Variants in PARD3B observed in about 807,000 individuals in gnomAD.
PARD3B encodes par-3 family cell polarity regulator beta.
Under a neutral mutation model 130.2 loss-of-function variants are expected in PARD3B, and 103 were observed. That is an observed-to-expected ratio of 0.79 (90% confidence interval 0.67 to 0.93). The LOEUF is 0.93. Ranked by LOEUF, PARD3B falls within the 40% of genes least tolerant of loss-of-function variation. The probability of loss-of-function intolerance (pLI) is 0.00; values close to 1 mark genes in which losing one functional copy is unlikely to be tolerated. For missense variants in PARD3B, 1,609 were observed against 1,499.2 expected (o/e 1.07, Z -1.21); for synonymous variants, 583 against 553.2 (o/e 1.05, Z -0.76).
intron 15 of PARD3B, among the ~76,000 whole-genome samples, chr2:205,215,273 T>C (rs2037847733): frequency 6.6e-6 from 1 of 151,880 alleles, no homozygotes; most frequent in African/African-American, 2.4e-5. Context: ...TTGGATTACA[T>C]TGTTCTTTTT....
chr2:205,145,320 C>T (rs545692676), intron 10 of PARD3B, among the ~76,000 whole-genome samples: 4 of 134,978 alleles, frequency 3.0e-5, no homozygotes, highest in South Asian at 2.4e-4. Context: ...AACCCTCCGC[C>T]GCCCCCGCAA....
At position 205,550,933 on chromosome 2, in the gene PARD3B, GTGTGTGTGTA is replaced by G. The variant is rs1414039072; in HGVS notation, c.3181-2389_3181-2380del. Among the ~76,000 whole-genome samples, 8 of 115,612 alleles carry G rather than the reference GTGTGTGTGTA, an allele frequency of 6.9e-5. No homozygotes were observed. The highest frequency in any genetic ancestry group is 2.4e-4 in the African/African-American group (7 of 29,674). 75.8% of individuals were successfully genotyped at this position (115,612 alleles called of 152,430 possible). A position where few individuals can be genotyped will look rare whatever the true frequency, so the allele number is the denominator to read the frequency against. ...TAAATACATATAATTATGTGTGTGT[GTGTGTGTGTA>G]TATATATATGTGTATATATATATAT... is the stretch of plus-strand genomic sequence containing the variant. On this transcript the variant is annotated intron_variant, in intron 21 of 22. Coordinates refer to ENST00000406610, the MANE Select transcript of PARD3B (RefSeq NM_001302769.2). The surrounding 1 kb of genome is among the most constrained non-coding windows in gnomAD (Gnocchi z 4.5).
In PARD3B at chr2:204,753,924, T is replaced by C. The variant is rs188762491; in HGVS notation, c.222+67642T>C. On this transcript the variant is annotated intron_variant, in intron 2 of 22. Transcript: ENST00000406610. ...AAATAAAATAATATAAAATAAATAA[T>C]TGGTGCAGTGTTATTAAGCATTGGC... 2.6e-3 allele frequency among the ~76,000 whole-genome samples: 396 copies of C among 152,148 alleles called. 1 individual carries two copies. Among genetic ancestry groups the C allele is most frequent in the African/African-American group, 9.3e-3 (385 of 41,520 alleles).
At chr2:204,809,985 A>G (rs576649375) in intron 2 of PARD3B, among the ~76,000 whole-genome samples, 4 of 151,944 alleles carry the variant, frequency 2.6e-5, no homozygotes, top group African/African-American at 9.6e-5. Flanking sequence ...TAGGTATTGT[A>G]TTCTTTTGGT....
intron 2 of PARD3B, among the ~76,000 whole-genome samples, chr2:204,745,920 T>C (rs1483981586): frequency 1.3e-5 from 2 of 151,942 alleles, no homozygotes; most frequent in African/African-American, 4.8e-5. Context: ...GTTTTTGCCT[T>C]CCTTAATTTA....
At chr2:204,782,506 TATATA>T (rs1169152740) in intron 2 of PARD3B, among the ~76,000 whole-genome samples, 2 of 150,238 alleles carry the variant, frequency 1.3e-5, no homozygotes, top group African/African-American at 4.9e-5. Flanking sequence ...ATATTCATGT[TATATA>T]GTATGTATGT....
rs751063824 is a variant in PARD3B, at chr2:205,553,440, T to C, written c.3260+37T>C. ...AGAGGTCTCCCATCTCCAGCTCACC[T>C]ACAAATGAAGTCTTTAGAGAAGTCT... is the stretch of plus-strand genomic sequence containing the variant. On this transcript the variant is annotated intron_variant, in intron 22 of 22. Transcript: ENST00000406610. 2.5e-6 allele frequency: 4 copies of C among 1,574,922 alleles called. No homozygotes were observed. The Admixed American group carries it at 6.7e-5, about 26-fold the overall frequency.
intron 2 of PARD3B, among the ~76,000 whole-genome samples, chr2:204,736,913 CT>C (rs1342376302): frequency 6.6e-6 from 1 of 152,146 alleles, no homozygotes; most frequent in Non-Finnish European, 1.5e-5. Context: ...TAACCATTCC[CT>C]TTTCCCCACA....
intron 18 of PARD3B, among the ~76,000 whole-genome samples, chr2:205,336,003 C>T (rs2043302281): frequency 6.6e-6 from 1 of 152,110 alleles, no homozygotes. Context: ...TTCAAGATGA[C>T]ATTTGGGTGG....
At chr2:204,959,221 A>G (rs1230626630) in intron 2 of PARD3B, among the ~76,000 whole-genome samples, 1 of 152,140 alleles carries the variant, frequency 6.6e-6, no homozygotes, top group African/African-American at 2.4e-5. Context: ...GAGTGAGAAC[A>G]TGCGGTGTTT....
chr2:205,066,302 A>T (rs1700372405), intron 4 of PARD3B, among the ~76,000 whole-genome samples: 1 of 152,164 alleles, frequency 6.6e-6, no homozygotes. Context: ...AACATCAAAC[A>T]CGAAGAGAAA....
chr2:204,902,431 A>G (rs2046894618), intron 2 of PARD3B, among the ~76,000 whole-genome samples: 1 of 152,096 alleles, frequency 6.6e-6, no homozygotes, highest in South Asian at 2.1e-4. Context: ...GCACTTTGGG[A>G]GGCCGAAGCG....
At chr2:204,822,779 T>G (rs2043415334) in intron 2 of PARD3B, among the ~76,000 whole-genome samples, 1 of 152,232 alleles carries the variant, frequency 6.6e-6, no homozygotes, top group Non-Finnish European at 1.5e-5. Context: ...GACAAAATAT[T>G]TAGGCACTTA....
At position 205,440,798 on chromosome 2, in the gene PARD3B, C is replaced by G; in HGVS notation, c.3044+126C>G. The G allele has an allele frequency of 1.0e-6, 1 of 991,394 alleles. No homozygotes were observed. The allele number at this position is 991,394 out of a possible 1,614,324, so 61.4% of individuals were successfully genotyped here. On this transcript the variant is annotated intron_variant, in intron 20 of 22. Transcript: ENST00000406610. The surrounding 1 kb of genome is among the most constrained non-coding windows in gnomAD (Gnocchi z 4.2). ...AACTGAAACGAGTCAGTACCCTAGA[C>G]AAGTGCCATCCTTTGACCGACCTGT...
intron 1 of PARD3B, among the ~76,000 whole-genome samples, chr2:204,547,345 A>C (rs1375192313): frequency 6.6e-6 from 1 of 152,142 alleles, no homozygotes; most frequent in Non-Finnish European, 1.5e-5. Context: ...AGGAGAGTAC[A>C]ATGAAAGGTC....
chr2:204,968,613 G>A (rs571065915), intron 3 of PARD3B, among the ~76,000 whole-genome samples: 1 of 152,188 alleles, frequency 6.6e-6, no homozygotes, highest in Non-Finnish European at 1.5e-5. Flanking sequence ...TGCAGATACT[G>A]TTCTCTTTAG....
chr2:205,219,529 A>T (rs994078560), intron 15 of PARD3B, among the ~76,000 whole-genome samples: 1 of 152,250 alleles, frequency 6.6e-6, no homozygotes, highest in Admixed American at 6.5e-5. Context: ...GCAGAAATAT[A>T]GACAGTATTA....
intron 2 of PARD3B, among the ~76,000 whole-genome samples, chr2:204,686,709 G>C (rs928940014): frequency 6.6e-6 from 1 of 152,138 alleles, no homozygotes; most frequent in African/African-American, 2.4e-5. Flanking sequence ...AGATTTTTCT[G>C]AAAGTAGCTG....
intron 15 of PARD3B, among the ~76,000 whole-genome samples, chr2:205,219,033 T>C (rs1028074293): frequency 6.6e-6 from 1 of 151,592 alleles, no homozygotes; most frequent in Non-Finnish European, 1.5e-5. Context: ...TGAGCTGAGA[T>C]TGCACCACTG....
Sources: gnomAD v4.1 joint callset for allele counts (sites outside exome capture counted in the v4.1 genomes callset) on GRCh38, gnomAD v4.1.1 for gene constraint, Gnocchi (gnomAD v3.1) non-coding constraint, MANE v1.5 for transcripts, NCBI Gene and HGNC (gene_info 2026-07-23, HGNC 2026-07-21) for gene names.